The following TRPC4AP variants were observed in gnomAD, a reference collection of about 807,000 sequenced individuals.
TRPC4AP encodes short transient receptor potential channel 4-associated protein.
A neutral mutation model predicts 99.0 loss-of-function variants in TRPC4AP; 45 were observed. The observed-to-expected ratio is 0.45, with a 90% CI of 0.36 to 0.58. TRPC4AP has a LOEUF of 0.58. Ranked by LOEUF, TRPC4AP falls within the 20% of genes least tolerant of loss-of-function variation. TRPC4AP has a pLI of 0.00. For missense variants in TRPC4AP, 879 were observed against 985.3 expected, an observed-to-expected ratio of 0.89 and a Z score of 1.44; for synonymous variants, 408 against 385.8, an observed-to-expected ratio of 1.06 and a Z score of -0.67.
At chr20:35,014,065 AAACT>A (rs2082696118) in intron 10 of TRPC4AP, among the ~76,000 whole-genome samples, 2 of 152,190 alleles carry the variant, frequency 1.3e-5, no homozygotes, top group Admixed American at 1.3e-4. Context: ...TCCAAGGGGG[AAACT>A]AACCCCACTG....
intron 1 of TRPC4AP, among the ~76,000 whole-genome samples, chr20:35,081,106 A>G (rs2084633687): frequency 6.6e-6 from 1 of 152,194 alleles, no homozygotes; most frequent in Non-Finnish European, 1.5e-5. Flanking sequence ...GAAAGAAGAG[A>G]AAAGGGAACA....
At position 35,004,467 on chromosome 20, in the gene TRPC4AP, C is replaced by T. The variant is rs755509676; in HGVS notation, c.2040G>A (p.Thr680=). The part of the protein sequence containing the change: ...FRLINIIHVQ[T]LTQENVSCLN... Reference sequence around the variant, plus strand: ...TGCCGGGGCCTCTCACCTGGGTCAGCGTCTGCACGTGGATGATGTTGATGA... The same window carrying T: ...TGCCGGGGCCTCTCACCTGGGTCAGTGTCTGCACGTGGATGATGTTGATGA... The change falls in exon 17 of 19, where the codon ACG becomes ACA. Residue 680 remains threonine (T), a synonymous_variant. Coordinates refer to ENST00000252015, the MANE Select transcript of TRPC4AP (RefSeq NM_015638.3). 30 of 1,613,158 alleles carry T rather than the reference C, an allele frequency of 1.9e-5. No individual in the cohort carries two copies. The East Asian group carries it at 3.3e-4, about 18-fold the overall frequency.
At chr20:35,009,542 C>T (rs1245507712) in intron 12 of TRPC4AP, among the ~76,000 whole-genome samples, 4 of 152,078 alleles carry the variant, frequency 2.6e-5, no homozygotes, top group Admixed American at 6.6e-5. Flanking sequence ...GCTACTCGGG[C>T]GGCTGAGGCA....
intron 1 of TRPC4AP, among the ~76,000 whole-genome samples, chr20:35,087,711 A>G (rs1219938765): frequency 2.6e-5 from 4 of 152,244 alleles, no homozygotes; most frequent in Non-Finnish European, 4.4e-5. Flanking sequence ...GATTTGCATT[A>G]AGCATCAAAT....
chr20:35,040,553 C>A (rs1283884116), intron 7 of TRPC4AP, among the ~76,000 whole-genome samples: 1 of 152,244 alleles, frequency 6.6e-6, no homozygotes, highest in East Asian at 1.9e-4. Flanking sequence ...TTGGACTGAG[C>A]CATGCTAATG....
chr20:35,074,324 T>C (rs541003673), intron 2 of TRPC4AP, among the ~76,000 whole-genome samples: 2 of 152,302 alleles, frequency 1.3e-5, no homozygotes, highest in African/African-American at 4.8e-5. Flanking sequence ...TTTGAATGTG[T>C]TTGCTCTTGC....
At position 35,015,951 on chromosome 20, in the gene TRPC4AP, G is replaced by A. The variant is rs1473618316; in HGVS notation, c.1350+57C>T. ...GGTCAAAGGGTCAGCAGCAGGTCTT[G>A]AAACAACTACTCCAAGCCAGTGAGG... On this transcript the variant is annotated intron_variant, in intron 10 of 18. Transcript: ENST00000252015. 4.4e-6 allele frequency: 7 copies of A among 1,604,878 alleles called. No individual in the cohort carries two copies. The South Asian group carries it at 7.7e-5, about 18-fold the overall frequency.
At chr20:35,073,967 G>A (rs189056135) in intron 2 of TRPC4AP, among the ~76,000 whole-genome samples, 9 of 152,256 alleles carry the variant, frequency 5.9e-5, no homozygotes, top group Admixed American at 5.9e-4. Flanking sequence ...GGTCTATTCA[G>A]GGATTCATTC....
rs1431884707 is a variant in TRPC4AP, at chr20:35,086,473, GTGTA to G, written c.168+6137_168+6140del. Among the ~76,000 whole-genome samples the G allele has an allele frequency of 5.3e-4, 56 of 105,008 alleles. 2 individuals carry two copies. The highest frequency in any genetic ancestry group is 4.1e-3 in the East Asian group (15 of 3,658). The allele number at this position is 105,008 out of a possible 152,430, so 68.9% of individuals were successfully genotyped here. ...TGTGTGTGTGTGTGTGTGTGTGTGT[GTGTA>G]TGTGTGTGTATATATATATGTGTAT... is the stretch of plus-strand genomic sequence containing the variant. On this transcript the variant is annotated intron_variant, in intron 1 of 18. Transcript: ENST00000252015.
In TRPC4AP at chr20:35,003,571, C is replaced by A; in HGVS notation, c.2095G>T (p.Ala699Ser). 1 of 1,614,038 alleles carries A rather than the reference C, an allele frequency of 6.2e-7. No individual in the cohort carries two copies. The highest frequency in any genetic ancestry group is 1.1e-5 in the South Asian group (1 of 91,084). The change falls in exon 18 of 19, where the codon GCC (alanine) becomes TCC (serine). Residue 699 changes from alanine to serine, a missense_variant. This residue lies in a region of TRPC4AP where 224 missense variants were observed against 264.7 expected (regional missense o/e 0.85). Transcript: ENST00000252015. ...LNTSLVILML[A>S]RRKERLPLYL... ...AGGGGCAGCCGCTCTTTCCGTCGGGCCAGCATCAGGATCACCAGGCTGGTG... is the reference window on the plus strand; with the variant it reads ...AGGGGCAGCCGCTCTTTCCGTCGGGACAGCATCAGGATCACCAGGCTGGTG...
intron 11 of TRPC4AP, among the ~76,000 whole-genome samples, chr20:35,010,942 C>T (rs1421722755): frequency 2.0e-5 from 3 of 152,146 alleles, no homozygotes; most frequent in Admixed American, 6.5e-5. Flanking sequence ...ATAAACCCAT[C>T]GTATTTGAAA....
At chr20:35,041,253 G>A (rs1316651806) in intron 7 of TRPC4AP, among the ~76,000 whole-genome samples, 2 of 152,196 alleles carry the variant, frequency 1.3e-5, no homozygotes, top group East Asian at 1.9e-4. Context: ...ATTCAAGAAT[G>A]ATAACATTCA....
chr20:35,003,113 TG>T lies in TRPC4AP; in HGVS notation c.*32del. On this transcript the variant is annotated 3_prime_UTR_variant, in exon 19 of 19. Coordinates refer to ENST00000252015, the MANE Select transcript of TRPC4AP (RefSeq NM_015638.3). ...GCATCGTACCCACGCTCACCCACAC[TG>T]GCCCAGCAGCCTCCCGAGGCCTGGC... is the stretch of plus-strand genomic sequence containing the variant. The T allele has an allele frequency of 6.2e-7, 1 of 1,612,844 alleles. No individual in the cohort carries two copies. The highest frequency in any genetic ancestry group is 8.5e-7 in the Non-Finnish European group (1 of 1,179,428).
intron 7 of TRPC4AP, 78 bp from the exon 8 acceptor site, chr20:35,035,386 C>T: frequency 9.2e-6 from 13 of 1,409,996 alleles, no homozygotes; most frequent in East Asian, 2.3e-5. Flanking sequence ...AACAAACAAT[C>T]TGCATGATAG....
At chr20:35,031,390 C>CTTT (rs71299218) in intron 8 of TRPC4AP, among the ~76,000 whole-genome samples, 2,549 of 73,580 alleles carry the variant, frequency 0.035, 289 homozygotes, top group African/African-American at 0.12. Context: ...CCCTGGTTAA[C>CTTT]TTTTTTTTTT....
chr20:35,025,686 A>C (rs1384584956), intron 8 of TRPC4AP, among the ~76,000 whole-genome samples: 9 of 152,066 alleles, frequency 5.9e-5, no homozygotes, highest in African/African-American at 2.2e-4. Flanking sequence ...AAGATGTCCC[A>C]CCCTGCCTTA....
rs907285469 is a variant in TRPC4AP, at chr20:35,002,548, C to T, written c.*598G>A. On this transcript the variant is annotated 3_prime_UTR_variant, in exon 19 of 19. Transcript: ENST00000252015. ...CAGAGGCAGGGCAGGCACAGCTGCCCCGTGCCCCAAGGGATGGAGGGAAAG... is the reference window on the plus strand; with the variant it reads ...CAGAGGCAGGGCAGGCACAGCTGCCTCGTGCCCCAAGGGATGGAGGGAAAG... 2.2e-5 allele frequency: 5 copies of T among 231,450 alleles called. No individual in the cohort carries two copies. The highest frequency in any genetic ancestry group is 4.2e-5 in the Non-Finnish European group (5 of 120,382). 14.3% of individuals were successfully genotyped at this position (231,450 alleles called of 1,614,324 possible).
intron 3 of TRPC4AP, among the ~76,000 whole-genome samples, chr20:35,063,945 A>T (rs1395714750): frequency 2.0e-5 from 3 of 152,214 alleles, no homozygotes; most frequent in South Asian, 4.1e-4. Context: ...GAAAAAAATA[A>T]ATGTTAGAAA....
intron 11 of TRPC4AP, among the ~76,000 whole-genome samples, chr20:35,010,556 T>TG (rs2082611527): frequency 6.7e-6 from 1 of 149,486 alleles, no homozygotes; most frequent in Admixed American, 6.6e-5. Context: ...TCAGCAGCTC[T>TG]GGGCCTTTCT....
Sources: gnomAD v4.1 joint callset for allele counts (sites outside exome capture counted in the v4.1 genomes callset) on GRCh38, gnomAD v4.1.1 for gene constraint, gnomAD v4.1.1 regional missense constraint, MANE v1.5 for transcripts, NCBI Gene and HGNC (gene_info 2026-07-23, HGNC 2026-07-21) for gene names.